The following RFC3 variants were observed in gnomAD, a reference collection of about 807,000 sequenced individuals.
The protein encoded by RFC3 is A1 38 kDa subunit.
In RFC3, 41 loss-of-function variants were observed where a neutral mutation model predicts 45.1. The ratio of observed to expected loss-of-function variants is 0.91; its 90% CI spans 0.71 to 1.18. RFC3 has a LOEUF of 1.18. Among genes scored for constraint, RFC3 ranks in the 50% most tolerant of loss-of-function variants. The probability of loss-of-function intolerance (pLI) is 0.00; values close to 1 mark genes in which losing one functional copy is unlikely to be tolerated. For synonymous variants in RFC3, 149 were observed against 144.0 expected (o/e 1.03, Z -0.25); for missense variants, 423 against 428.1 (o/e 0.99, Z 0.10).
intron 8 of RFC3, among the ~76,000 whole-genome samples, chr13:33,928,080 G>C (rs2082826807): frequency 6.6e-6 from 1 of 152,088 alleles, no homozygotes; most frequent in African/African-American, 2.4e-5. Flanking sequence ...TCTGAAGAAA[G>C]AGAAGTAAAA....
intron 8 of RFC3, among the ~76,000 whole-genome samples, chr13:33,887,161 G>C (rs1258289333): frequency 1.4e-5 from 2 of 145,700 alleles, no homozygotes; most frequent in South Asian, 4.6e-4. Flanking sequence ...GTAATGGGAT[G>C]GCTGGGTCAA....
chr13:33,956,402 C>T (rs1313023128), intron 8 of RFC3, among the ~76,000 whole-genome samples: 1 of 152,136 alleles, frequency 6.6e-6, no homozygotes, highest in African/African-American at 2.4e-5. Flanking sequence ...TTCCTGATGG[C>T]AGCTTGTGAA....
chr13:33,820,911 ATT>A (rs1460794850), intron 1 of RFC3, among the ~76,000 whole-genome samples: 68 of 14,176 alleles, frequency 4.8e-3, no homozygotes, highest in African/African-American at 0.023. Context: ...GCATATATAT[ATT>A]TATATATATA....
intron 8 of RFC3, among the ~76,000 whole-genome samples, chr13:33,960,564 C>T (rs914834589): frequency 1.3e-5 from 2 of 152,244 alleles, no homozygotes; most frequent in African/African-American, 2.4e-5. Context: ...GGGCATCCTT[C>T]ATCTAAGATT....
chr13:33,842,256 C>T (rs1239686822), downstream of RFC3, among the ~76,000 whole-genome samples: 1 of 151,754 alleles, frequency 6.6e-6, no homozygotes, highest in East Asian at 1.9e-4. Context: ...CCACTGCACC[C>T]CAGCTTGGGC....
intron 8 of RFC3, among the ~76,000 whole-genome samples, chr13:33,945,895 T>C (rs1038326659): frequency 6.6e-6 from 1 of 152,224 alleles, no homozygotes; most frequent in Non-Finnish European, 1.5e-5. Context: ...TCATCTTTGT[T>C]TCCTCTTTCC....
At chr13:33,822,223 A>G (rs1164435690) in intron 2 of RFC3, among the ~76,000 whole-genome samples, 1 of 152,206 alleles carries the variant, frequency 6.6e-6, no homozygotes, top group Non-Finnish European at 1.5e-5. Context: ...TGGATGTGTC[A>G]GAAGAAACTA....
chr13:33,904,091 A>G (rs1319640295), intron 8 of RFC3, among the ~76,000 whole-genome samples: 1 of 151,716 alleles, frequency 6.6e-6, no homozygotes, highest in African/African-American at 2.4e-5. Flanking sequence ...ATTTGAACAT[A>G]CTAAAATTGT....
intron 8 of RFC3, among the ~76,000 whole-genome samples, chr13:33,931,573 T>TG (rs976733399): frequency 6.6e-5 from 10 of 152,100 alleles, no homozygotes; most frequent in African/African-American, 1.9e-4. Flanking sequence ...TGTCACAGTG[T>TG]GGGGGTCCAA....
chr13:33,872,294 C>T (rs1261558339), intron 8 of RFC3, among the ~76,000 whole-genome samples: 1 of 152,168 alleles, frequency 6.6e-6, no homozygotes. Context: ...AGTTCAGACA[C>T]GTCTGTGCTA....
downstream of RFC3, among the ~76,000 whole-genome samples, chr13:33,841,452 A>G (rs1004587060): frequency 1.1e-4 from 16 of 152,164 alleles, no homozygotes; most frequent in Non-Finnish European, 4.4e-5. Flanking sequence ...GTTGCCCTCA[A>G]TTTCAGACAG....
chr13:33,922,150 CTT>C (rs11317609), intron 8 of RFC3, among the ~76,000 whole-genome samples: 3,340 of 126,424 alleles, frequency 0.026, 114 homozygotes, highest in African/African-American at 0.08. Flanking sequence ...AGCTTCATTG[CTT>C]TTTTTTTTTT....
the RFC3 span, among the ~76,000 whole-genome samples, chr13:33,974,327 C>T: frequency 2.0e-5 from 3 of 152,146 alleles, no homozygotes; most frequent in Non-Finnish European, 4.4e-5. Context: ...TGCTCATCTC[C>T]AGTCTCACTT....
At chr13:33,829,699 T>A (rs529601321) in intron 4 of RFC3, 137 bp from the exon 5 acceptor site, 1 of 695,852 alleles carries the variant, frequency 1.4e-6, no homozygotes. Flanking sequence ...CTTATAACTT[T>A]ATCTTTGCCA....
intron 8 of RFC3, among the ~76,000 whole-genome samples, chr13:33,912,308 C>A (rs201491233): frequency 6.6e-6 from 1 of 151,874 alleles, no homozygotes; most frequent in African/African-American, 2.4e-5. Flanking sequence ...TGAACTGCCC[C>A]ACCCCACAGT....
intron 8 of RFC3, among the ~76,000 whole-genome samples, chr13:33,867,408 G>T (rs2082380538): frequency 6.6e-6 from 1 of 152,208 alleles, no homozygotes. Flanking sequence ...ACCTCAAGGA[G>T]AAATGCTTCT....
At chr13:33,890,111 C>T (rs144492656) in intron 8 of RFC3, among the ~76,000 whole-genome samples, 4 of 152,102 alleles carry the variant, frequency 2.6e-5, no homozygotes, top group Non-Finnish European at 5.9e-5. Context: ...AGCCTTACGA[C>T]CTCCTGTTAA....
intron 8 of RFC3, among the ~76,000 whole-genome samples, chr13:33,884,651 G>A (rs901626067): frequency 3.3e-5 from 5 of 152,090 alleles, no homozygotes; most frequent in Non-Finnish European, 5.9e-5. Flanking sequence ...TGGCGACAGC[G>A]GCCACTCTAT....
chr13:33,927,968 C>G (rs140822168), intron 8 of RFC3, among the ~76,000 whole-genome samples: 88 of 152,204 alleles, frequency 5.8e-4, no homozygotes, highest in Middle Eastern at 3.4e-3. Flanking sequence ...TAACATCTAC[C>G]ATGGGCAAGG....
Sources: allele counts gnomAD v4.1 joint callset (sites outside exome capture counted in the v4.1 genomes callset), GRCh38; gene constraint gnomAD v4.1.1; transcripts MANE v1.5; gene names NCBI Gene and HGNC (gene_info 2026-07-23, HGNC 2026-07-21).